CSMD1: variants seen among roughly 807,000 people sequenced by gnomAD.
CSMD1 encodes CUB and Sushi multiple domains 1.
Under a neutral mutation model 417.5 loss-of-function variants are expected in CSMD1, and 213 were observed. The observed-to-expected ratio is 0.51, with a 90% confidence interval of 0.46 to 0.57. The LOEUF (loss-of-function observed/expected upper bound fraction) is 0.57, where lower values mean the gene tolerates loss of function less well. Ranked by LOEUF, CSMD1 falls within the 20% of genes least tolerant of loss-of-function variation. The pLI is 0.00. For missense variants in CSMD1, 6,923 were observed against 4,529.7 expected, an observed-to-expected ratio of 1.53 and a Z score of -15.17; for synonymous variants, 2,862 against 1,736.8, an observed-to-expected ratio of 1.65 and a Z score of -16.11.
At chr8:4,149,653 T>A (rs1355391877) in intron 3 of CSMD1, among the ~76,000 whole-genome samples, 1 of 152,168 alleles carries the variant, frequency 6.6e-6, no homozygotes, top group African/African-American at 2.4e-5. Flanking sequence ...ACCTACAGAA[T>A]GGAGGATGCT....
chr8:3,214,618 A>T lies in CSMD1; in HGVS notation c.4746T>A (p.Leu1582=), dbSNP rs769578283. Residue 1582 remains leucine, a synonymous_variant, in exon 30 of 70, where the codon CTT becomes CTA. Coordinates refer to ENST00000635120, the MANE Select transcript of CSMD1 (RefSeq NM_033225.6). ...NGTRVGTDFK[L]GSTITYQCDS... ...CACACTGGTAGGTGATGGTGGAGCC[A>T]AGCTTGAAGTCTGTTCCAACTCTTG... is the stretch of plus-strand genomic sequence containing the variant. 1.3e-6 allele frequency: 2 copies of T among 1,558,588 alleles called. No individual in the cohort carries two copies. The highest frequency in any genetic ancestry group is 1.7e-6 in the Non-Finnish European group (2 of 1,150,684).
chr8:4,020,158 C>G (rs957681903), intron 4 of CSMD1, among the ~76,000 whole-genome samples: 2 of 152,072 alleles, frequency 1.3e-5, no homozygotes, highest in African/African-American at 4.8e-5. Flanking sequence ...GCCATTTAAT[C>G]TTTACAACAG....
chr8:3,851,730 G>C lies in CSMD1; in HGVS notation c.819-97688C>G, dbSNP rs1423034154. ...AGAAGATAAATAATTAAAGGAAAGA[G>C]AGAGAACAAGAAGGTGAGGAATGAA... On this transcript the variant is annotated intron_variant, in intron 5 of 69. Coordinates refer to ENST00000635120, the MANE Select transcript of CSMD1 (RefSeq NM_033225.6). 2.6e-5 allele frequency among the ~76,000 whole-genome samples: 4 copies of C among 152,308 alleles called. No homozygotes were observed. In the East Asian group the frequency reaches 5.8e-4, roughly 22 times the overall value.
intron 3 of CSMD1, among the ~76,000 whole-genome samples, chr8:4,362,074 G>C (rs757273132): frequency 1.3e-5 from 2 of 152,098 alleles, no homozygotes; most frequent in Non-Finnish European, 2.9e-5. Context: ...TAAAGGCTGA[G>C]ATAATTTAAT....
intron 2 of CSMD1, among the ~76,000 whole-genome samples, chr8:4,587,217 G>C (rs1799745248): frequency 6.6e-6 from 1 of 152,110 alleles, no homozygotes; most frequent in Non-Finnish European, 1.5e-5. Flanking sequence ...AGTAAAAAAT[G>C]AGTTTTCTCC....
intron 12 of CSMD1, among the ~76,000 whole-genome samples, chr8:3,454,959 T>C (rs1037668801): frequency 1.3e-5 from 2 of 152,366 alleles, no homozygotes; most frequent in African/African-American, 4.8e-5. Flanking sequence ...CAATCAGATG[T>C]AGATTTGGTC....
intron 5 of CSMD1, among the ~76,000 whole-genome samples, chr8:3,899,326 C>A (rs533093989): frequency 6.6e-6 from 1 of 152,292 alleles, no homozygotes; most frequent in African/African-American, 2.4e-5. Flanking sequence ...GGTGCTACTT[C>A]AGAGCAGGTG....
intron 1 of CSMD1, among the ~76,000 whole-genome samples, chr8:4,747,198 T>C (rs761749151): frequency 6.6e-6 from 1 of 152,222 alleles, no homozygotes; most frequent in Non-Finnish European, 1.5e-5. Flanking sequence ...TTCTTGTCTC[T>C]TGGAGAATTT....
chr8:4,960,905 A>G (rs1247626795), intron 1 of CSMD1, among the ~76,000 whole-genome samples: 3 of 152,170 alleles, frequency 2.0e-5, no homozygotes, highest in Non-Finnish European at 4.4e-5. Context: ...AAATACAACT[A>G]TTTACAATGC....
At chr8:3,443,807 C>A (rs1417012264) in intron 12 of CSMD1, among the ~76,000 whole-genome samples, 1 of 152,136 alleles carries the variant, frequency 6.6e-6, no homozygotes, top group South Asian at 2.1e-4. Context: ...AACATGAATG[C>A]AAAACCATTT....
intron 5 of CSMD1, among the ~76,000 whole-genome samples, chr8:3,916,422 C>G (rs993352102): frequency 3.3e-5 from 5 of 152,112 alleles, no homozygotes; most frequent in Non-Finnish European, 7.4e-5. Flanking sequence ...ACTGTCTTAA[C>G]AAATGACAAA....
intron 6 of CSMD1, among the ~76,000 whole-genome samples, chr8:3,744,095 A>C (rs1225079602): frequency 6.6e-6 from 1 of 152,128 alleles, no homozygotes; most frequent in African/African-American, 2.4e-5. Context: ...CCCAGCATGC[A>C]TCCTTCCCTT....
chr8:3,708,494 G>A lies in CSMD1; in HGVS notation c.932-3C>T, dbSNP rs780849254. Reference sequence around the variant, plus strand: ...CTTCAACTCAATCGCCTTTTTCACTGGAAGAAACAAAACCAAGCCATTAGC... The same window carrying A: ...CTTCAACTCAATCGCCTTTTTCACTAGAAGAAACAAAACCAAGCCATTAGC... On this transcript the variant is annotated splice_polypyrimidine_tract_variant and splice_region_variant and intron_variant, in intron 6 of 69. Coordinates refer to ENST00000635120, the MANE Select transcript of CSMD1 (RefSeq NM_033225.6). 2.5e-6 allele frequency: 4 copies of A among 1,613,622 alleles called. No individual in the cohort carries two copies. The highest frequency in any genetic ancestry group is 3.3e-5 in the Admixed American group (2 of 60,006).
rs749101073 is a variant in CSMD1 at position 3,406,157 on chromosome 8, C to G, written c.2136G>C (p.Arg712Ser). The G allele has an allele frequency of 1.2e-6, 2 of 1,613,620 alleles. No individual in the cohort carries two copies. The highest frequency in any genetic ancestry group is 1.7e-5 in the Admixed American group (1 of 59,970). ...AAGAAACCGAGCTCCCGAGTAGAAACCTGTCACCAAAACGTCGTCCGTTTA... is the reference window on the plus strand; with the variant it reads ...AAGAAACCGAGCTCCCGAGTAGAAAGCTGTCACCAAAACGTCGTCCGTTTA... Reference protein sequence around the residue: ...IPINGRRFGDRFLLGSSVSFH... With the variant: ...IPINGRRFGDSFLLGSSVSFH... Residue 712 changes from arginine to serine, a missense_variant, in exon 15 of 70, where the codon AGG (arginine) becomes AGC (serine). Coordinates refer to ENST00000635120, the MANE Select transcript of CSMD1 (RefSeq NM_033225.6).
intron 2 of CSMD1, among the ~76,000 whole-genome samples, chr8:4,615,080 T>C (rs896064025): frequency 4.6e-5 from 7 of 152,190 alleles, no homozygotes; most frequent in African/African-American, 1.7e-4. Flanking sequence ...ATCTACAAAC[T>C]GATATAATCT....
intron 2 of CSMD1, among the ~76,000 whole-genome samples, chr8:4,599,526 T>C (rs184179921): frequency 3.3e-5 from 5 of 151,906 alleles, no homozygotes; most frequent in African/African-American, 9.7e-5. Flanking sequence ...TTTTTTACAC[T>C]AAGTGCACAA....
intron 41 of CSMD1, among the ~76,000 whole-genome samples, chr8:3,136,769 G>A (rs923003590): frequency 6.6e-6 from 1 of 152,046 alleles, no homozygotes; most frequent in Non-Finnish European, 1.5e-5. Flanking sequence ...CACCATCCCT[G>A]GGTAACTGAT....
intron 2 of CSMD1, among the ~76,000 whole-genome samples, chr8:4,605,299 A>G (rs1800808086): frequency 6.6e-6 from 1 of 152,056 alleles, no homozygotes; most frequent in Admixed American, 6.6e-5. Context: ...AAGAAGAAGA[A>G]ATTTTCACAG....
At chr8:4,589,652 G>T (rs188320960) in intron 2 of CSMD1, among the ~76,000 whole-genome samples, 1 of 152,118 alleles carries the variant, frequency 6.6e-6, no homozygotes, top group African/African-American at 2.4e-5. Context: ...AAGTGTGTTT[G>T]CACTGTGAAG....
Sources: allele counts gnomAD v4.1 joint callset (sites outside exome capture counted in the v4.1 genomes callset), GRCh38; gene constraint gnomAD v4.1.1; transcripts MANE v1.5; gene names NCBI Gene and HGNC (gene_info 2026-07-23, HGNC 2026-07-21).